Variants in SGPP2 observed in about 807,000 individuals in gnomAD.
SGPP2 encodes sphingosine 1-phosphate phosphohydrolase 2.
SGPP2 carries 30 observed loss-of-function variants against 33.9 expected under a neutral mutation model. That is an observed-to-expected ratio of 0.89 (90% CI 0.66 to 1.20). SGPP2 has a LOEUF of 1.20. SGPP2 is among the 50% of genes most tolerant of loss of function. The pLI is 0.00. For missense variants in SGPP2, 458 were observed against 532.1 expected (o/e 0.86, Z 1.37); for synonymous variants, 233 against 225.0 (o/e 1.04, Z -0.32).
chr2:222,498,288 A>G (rs1255898058), intron 2 of SGPP2: 1 of 152,214 alleles, frequency 6.6e-6, no homozygotes, highest in Admixed American at 6.5e-5. Context: ...AACATTAATT[A>G]CTATGATCAC....
intron 1 of SGPP2, among the ~76,000 whole-genome samples, chr2:222,466,879 C>G (rs900374844): frequency 1.3e-5 from 2 of 152,196 alleles, no homozygotes; most frequent in African/African-American, 4.8e-5. Context: ...GCATGTCTTA[C>G]CTGTGCCTTC....
chr2:222,442,450 G>A (rs982038825), intron 1 of SGPP2, among the ~76,000 whole-genome samples: 1 of 152,004 alleles, frequency 6.6e-6, no homozygotes, highest in Admixed American at 6.6e-5. Flanking sequence ...TTTTTATACT[G>A]GTGTGTTTTA....
In SGPP2 at chr2:222,558,763, G is replaced by A; in HGVS notation, c.1065G>A (p.Lys355=). 6.2e-7 allele frequency: 1 copy of A among 1,614,160 alleles called. No individual in the cohort carries two copies. Among genetic ancestry groups the A allele is most frequent in the Non-Finnish European group, 8.5e-7 (1 of 1,180,028 alleles). ...TGCAAGTATTATACTCATGGTTCAA[G>A]GTGGTCACCAGGAACAAGGAGGCCA... ...LSLQVLYSWF[K]VVTRNKEARR... The change falls in exon 5 of 5, where the codon AAG becomes AAA. Residue 355 remains lysine, a synonymous_variant. Coordinates refer to ENST00000321276, the MANE Select transcript of SGPP2 (RefSeq NM_152386.4).
chr2:222,555,557 C>T (rs956616524), intron 4 of SGPP2, among the ~76,000 whole-genome samples: 1 of 148,396 alleles, frequency 6.7e-6, no homozygotes, highest in Non-Finnish European at 1.5e-5. Context: ...TCAAAAAATG[C>T]AGGCCTCAAT....
At chr2:222,555,940 T>G (rs1247133008) in intron 4 of SGPP2, among the ~76,000 whole-genome samples, 1 of 152,210 alleles carries the variant, frequency 6.6e-6, no homozygotes, top group East Asian at 1.9e-4. Context: ...TGATTACCCC[T>G]GCGCTATTCA....
chr2:222,529,592 C>T (rs1202508859), intron 4 of SGPP2, among the ~76,000 whole-genome samples: 2 of 152,208 alleles, frequency 1.3e-5, no homozygotes, highest in Admixed American at 6.5e-5. Context: ...ACCTTGGTCT[C>T]CCAAAGTGCT....
At position 222,466,681 on chromosome 2, in the gene SGPP2, T is replaced by A. The variant is rs184818680; in HGVS notation, c.220-7887T>A. Among the ~76,000 whole-genome samples, 7 of 152,354 alleles carry A rather than the reference T, an allele frequency of 4.6e-5. No homozygotes were observed. The East Asian group carries it at 1.3e-3, about 29-fold the overall frequency. Reference sequence around the variant, plus strand: ...TTCTTAGGGAAACATGGTTTGGGTTTTTTTTTGGTATTGTGATGCTCTGAG... The same window carrying A: ...TTCTTAGGGAAACATGGTTTGGGTTATTTTTTGGTATTGTGATGCTCTGAG... On this transcript the variant is annotated intron_variant, in intron 1 of 4. Coordinates refer to ENST00000321276, the MANE Select transcript of SGPP2 (RefSeq NM_152386.4).
At chr2:222,435,307 C>G (rs1258971098) in intron 1 of SGPP2, among the ~76,000 whole-genome samples, 1 of 152,098 alleles carries the variant, frequency 6.6e-6, no homozygotes, top group Non-Finnish European at 1.5e-5. Context: ...TATATTCTAG[C>G]TGAGGTGGCA....
chr2:222,548,357 C>T (rs1017518693), intron 4 of SGPP2, among the ~76,000 whole-genome samples: 1 of 152,260 alleles, frequency 6.6e-6, no homozygotes, highest in Non-Finnish European at 1.5e-5. Flanking sequence ...AATATGCTCA[C>T]TTTCCAAGTG....
At chr2:222,507,339 T>C (rs1190851261) in intron 2 of SGPP2, among the ~76,000 whole-genome samples, 3 of 152,196 alleles carry the variant, frequency 2.0e-5, no homozygotes, top group African/African-American at 2.4e-5. Context: ...TCTCTCCAGA[T>C]TGGATATTCT....
intron 1 of SGPP2, among the ~76,000 whole-genome samples, chr2:222,425,669 C>CT (rs1414192004): frequency 2.0e-5 from 3 of 152,198 alleles, no homozygotes; most frequent in Admixed American, 2.0e-4. Flanking sequence ...TGCCTTTTCC[C>CT]TCGGCAAAGT....
chr2:222,425,839 C>T (rs753823551), intron 1 of SGPP2, among the ~76,000 whole-genome samples: 2 of 152,128 alleles, frequency 1.3e-5, no homozygotes, highest in African/African-American at 2.4e-5. Context: ...TACGAAGAAC[C>T]TGGCTTCTGT....
At chr2:222,468,890 A>T (rs1450966059) in intron 1 of SGPP2, among the ~76,000 whole-genome samples, 6 of 152,224 alleles carry the variant, frequency 3.9e-5, no homozygotes, top group African/African-American at 1.4e-4. Context: ...ACAAGGTTAA[A>T]TGGCTGAAAA....
intron 1 of SGPP2, among the ~76,000 whole-genome samples, chr2:222,433,570 G>A (rs968440118): frequency 6.6e-6 from 1 of 152,116 alleles, no homozygotes; most frequent in African/African-American, 2.4e-5. Flanking sequence ...AAGCTTGAAA[G>A]GTGCGCTAAA....
chr2:222,532,116 T>C (rs1294561066), intron 4 of SGPP2, among the ~76,000 whole-genome samples: 1 of 151,752 alleles, frequency 6.6e-6, no homozygotes, highest in Non-Finnish European at 1.5e-5. Flanking sequence ...CTACTAAAAA[T>C]ACAAAAAATT....
At chr2:222,430,756 A>G (rs10202965) in intron 1 of SGPP2, among the ~76,000 whole-genome samples, 28,734 of 152,280 alleles carry the variant, frequency 0.19, 2,737 homozygotes, top group Middle Eastern at 0.25. Context: ...CAAGGTCAAC[A>G]TCACCAGTGG....
chr2:222,481,652 A>G (rs2106102868), intron 2 of SGPP2, among the ~76,000 whole-genome samples: 2 of 152,296 alleles, frequency 1.3e-5, no homozygotes, highest in African/African-American at 4.8e-5. Context: ...ATGACCTCCC[A>G]GGTCCTTTAC....
intron 4 of SGPP2, among the ~76,000 whole-genome samples, chr2:222,551,114 C>T (rs1195293009): frequency 6.6e-6 from 1 of 152,184 alleles, no homozygotes; most frequent in Non-Finnish European, 1.5e-5. Flanking sequence ...GCACCATTCT[C>T]TTTACCTGTC....
intron 4 of SGPP2, among the ~76,000 whole-genome samples, chr2:222,528,615 G>GTTTTGT (rs1424728962): frequency 4.6e-5 from 7 of 152,078 alleles, no homozygotes; most frequent in African/African-American, 7.2e-5. Context: ...GCTGTGGCAA[G>GTTTTGT]TTTTGTTTTT....
Sources: gnomAD v4.1 joint callset for allele counts (sites outside exome capture counted in the v4.1 genomes callset) on GRCh38, gnomAD v4.1.1 for gene constraint, MANE v1.5 for transcripts, NCBI Gene and HGNC (gene_info 2026-07-23, HGNC 2026-07-21) for gene names.